Variants in VWA2 observed in about 807,000 individuals in gnomAD.
VWA2 encodes the protein von Willebrand factor A domain containing 2.
In VWA2, 73 loss-of-function variants were observed where a neutral mutation model predicts 70.4. That is an observed-to-expected ratio of 1.04 (90% confidence interval 0.86 to 1.26). The LOEUF is 1.26. Ranked by LOEUF, VWA2 falls within the 50% of genes most tolerant of loss-of-function variation. The pLI is 0.00. For synonymous variants in VWA2, 407 were observed against 423.3 expected (o/e 0.96, Z 0.47); for missense variants, 1,011 against 998.5 (o/e 1.01, Z -0.17).
chr10:114,267,953 G>C (rs1438700094), intron 5 of VWA2, among the ~76,000 whole-genome samples: 1 of 151,958 alleles, frequency 6.6e-6, no homozygotes, highest in Non-Finnish European at 1.5e-5. Context: ...TAGAATTTGA[G>C]ACTAGACTCA....
At chr10:114,278,091 T>A in intron 7 of VWA2, 44 bp downstream of exon 7, 2 of 1,584,562 alleles carry the variant, frequency 1.3e-6, no homozygotes, top group Non-Finnish European at 1.7e-6. Flanking sequence ...CCATGTGGGG[T>A]CGGGGAGGGC....
intron 6 of VWA2, among the ~76,000 whole-genome samples, chr10:114,276,277 G>A (rs1377997986): frequency 1.3e-5 from 2 of 152,114 alleles, no homozygotes; most frequent in Admixed American, 6.5e-5. Flanking sequence ...GGTTCTCAAC[G>A]TGTGCTCCCT....
intron 5 of VWA2, among the ~76,000 whole-genome samples, chr10:114,262,968 C>A (rs1271958195): frequency 6.6e-6 from 1 of 152,146 alleles, no homozygotes; most frequent in Non-Finnish European, 1.5e-5. Context: ...AGTGCAGGGG[C>A]TTCCTCCCAG....
At chr10:114,245,480 T>C (rs1194228505) in intron 1 of VWA2, among the ~76,000 whole-genome samples, 3 of 152,086 alleles carry the variant, frequency 2.0e-5, no homozygotes, top group African/African-American at 4.8e-5. Flanking sequence ...CTCCGTAAAA[T>C]CGTCCTGAAC....
chr10:114,293,025 T>TTG lies in VWA2; in HGVS notation c.*1790_*1791dup, dbSNP rs1184775655. Among the ~76,000 whole-genome samples, 1 of 152,218 alleles carries TTG rather than the reference T, an allele frequency of 6.6e-6. No individual in the cohort carries two copies. The highest frequency in any genetic ancestry group is 1.5e-5 in the Non-Finnish European group (1 of 68,038). ...CCTGGCCCATTTTTCTTTATAAATATTGTAACATAATGTTTTATAGACAAA... is the reference window on the plus strand; with the variant it reads ...CCTGGCCCATTTTTCTTTATAAATATTGTGTAACATAATGTTTTATAGACAAA... On this transcript the variant is annotated 3_prime_UTR_variant, in exon 14 of 14. Coordinates refer to ENST00000392982, the MANE Select transcript of VWA2 (RefSeq NM_001272046.2).
intron 1 of VWA2, among the ~76,000 whole-genome samples, chr10:114,242,635 T>C (rs1372289133): frequency 6.6e-6 from 1 of 152,200 alleles, no homozygotes; most frequent in Non-Finnish European, 1.5e-5. Context: ...TGCATCTGTG[T>C]ACCGCGTACT....
chr10:114,250,183 C>T (rs2037166407), intron 2 of VWA2, among the ~76,000 whole-genome samples: 1 of 152,226 alleles, frequency 6.6e-6, no homozygotes, highest in Non-Finnish European at 1.5e-5. Flanking sequence ...AAAATGACAT[C>T]TTTTCCATAA....
intron 4 of VWA2, among the ~76,000 whole-genome samples, chr10:114,260,508 G>A (rs2037422876): frequency 6.6e-6 from 1 of 152,312 alleles, no homozygotes; most frequent in Admixed American, 6.5e-5. Context: ...TGAAGGACCG[G>A]GTTGTGGGGT....
intron 4 of VWA2, among the ~76,000 whole-genome samples, chr10:114,260,687 C>A (rs541684003): frequency 1.1e-4 from 17 of 152,302 alleles, no homozygotes; most frequent in African/African-American, 4.1e-4. Context: ...AATGGCCTGG[C>A]TGCCTTTCTT....
intron 5 of VWA2, 76 bp downstream of exon 5, chr10:114,261,371 C>T: frequency 8.1e-7 from 1 of 1,230,786 alleles, no homozygotes; most frequent in Non-Finnish European, 1.2e-6. Context: ...AGGGTTTGGT[C>T]CTGCTCTGGG....
At chr10:114,245,624 T>C (rs1436252075) in intron 1 of VWA2, among the ~76,000 whole-genome samples, 1 of 152,128 alleles carries the variant, frequency 6.6e-6, no homozygotes, top group Non-Finnish European at 1.5e-5. Flanking sequence ...AAAAATGTCC[T>C]TAGGGGAAAA....
At chr10:114,291,130 C>A in intron 13 of VWA2, 88 bp from the exon 14 acceptor site, 1 of 1,452,538 alleles carries the variant, frequency 6.9e-7, no homozygotes. Context: ...AGAGTAAGAG[C>A]AGGACCTGAA....
chr10:114,289,224 C>G lies in VWA2; in HGVS notation c.1857C>G (p.Asp619Glu), dbSNP rs755950349. 2.5e-6 allele frequency: 4 copies of G among 1,613,876 alleles called. No homozygotes were observed. In the East Asian group the frequency reaches 6.7e-5, roughly 27 times the overall value. The change falls in exon 12 of 14, where the codon GAC (aspartate) becomes GAG (glutamate). Residue 619 changes from aspartate to glutamate, a missense_variant. Transcript: ENST00000392982. ...SAGTALLHIY[D>E]KVMTVQRGAR... is the part of the protein sequence containing the mutation. The stretch of plus-strand genomic sequence containing the variant: ...GCACCGCCCTGCTGCACATCTATGA[C>G]AAAGTGATGACCGTCCAGAGGGGTG...
chr10:114,273,091 A>C (rs952286434), intron 6 of VWA2, among the ~76,000 whole-genome samples, 157 bp downstream of exon 6: 2 of 152,128 alleles, frequency 1.3e-5, no homozygotes, highest in Non-Finnish European at 2.9e-5. Context: ...AGTGCACAGG[A>C]AGCTCCAATC....
At chr10:114,254,859 T>G in intron 3 of VWA2, 56 bp from the exon 4 acceptor site, 4 of 1,594,072 alleles carry the variant, frequency 2.5e-6, no homozygotes, top group Non-Finnish European at 3.4e-6. Context: ...TCACTCTGCT[T>G]CAGAAGTGAG....
rs367707812 is a variant in VWA2 at position 114,286,249 on chromosome 10, C to T, written c.1308C>T (p.Ser436=). The T allele has an allele frequency of 1.5e-5, 24 of 1,612,700 alleles. No homozygotes were observed. The East Asian group carries it at 1.6e-4, about 10-fold the overall frequency. The change falls in exon 11 of 14, where the codon AGC becomes AGT. Residue 436 remains serine, a synonymous_variant. Transcript: ENST00000392982. ...AGGCGGCAGAGCGTGGCTTCGGGAG[C>T]GCCACCAGGACAGGCCAGGACCGGC... ...LRQAAERGFG[S]ATRTGQDRPR... is the part of the protein sequence containing the mutation.
At chr10:114,242,600 T>C (rs1277216214) in intron 1 of VWA2, among the ~76,000 whole-genome samples, 1 of 152,124 alleles carries the variant, frequency 6.6e-6, no homozygotes, top group African/African-American at 2.4e-5. Flanking sequence ...CATGTCTCTG[T>C]GTACCACGTG....
chr10:114,252,208 C>T (rs2037211144), intron 2 of VWA2, among the ~76,000 whole-genome samples: 2 of 152,194 alleles, frequency 1.3e-5, no homozygotes, highest in South Asian at 2.1e-4. Context: ...TCTTTCTAGT[C>T]TAAGTCTTGT....
At chr10:114,284,792 A>G in intron 9 of VWA2, 71 bp from the exon 10 acceptor site, 1 of 1,435,648 alleles carries the variant, frequency 7.0e-7, no homozygotes, top group Non-Finnish European at 9.4e-7. Context: ...AGCTGCACCC[A>G]CACCTCTGGC....
Sources: allele counts gnomAD v4.1 joint callset (sites outside exome capture counted in the v4.1 genomes callset), GRCh38; gene constraint gnomAD v4.1.1; transcripts MANE v1.5; gene names NCBI Gene and HGNC (gene_info 2026-07-23, HGNC 2026-07-21).